LDLRAD3: variants seen among roughly 807,000 people sequenced by gnomAD.
The protein encoded by LDLRAD3 is low-density lipoprotein receptor class A domain-containing protein 3.
A neutral mutation model predicts 29.4 loss-of-function variants in LDLRAD3; 20 were observed. That is an observed-to-expected ratio of 0.68 (90% CI 0.48 to 0.99). LDLRAD3 has a LOEUF of 0.99. LDLRAD3 is among the 50% of genes least tolerant of loss of function. The pLI is 0.00. For synonymous variants in LDLRAD3, 157 were observed against 192.7 expected (o/e 0.81, Z 1.53); for missense variants, 420 against 454.3 (o/e 0.92, Z 0.69).
chr11:36,227,711 AT>A (rs1855520510), intron 5 of LDLRAD3, among the ~76,000 whole-genome samples: 1 of 152,196 alleles, frequency 6.6e-6, no homozygotes, highest in Non-Finnish European at 1.5e-5. Context: ...AATTCTACAG[AT>A]GAGGAAACTG....
At chr11:35,946,539 C>A (rs912679373) in intron 1 of LDLRAD3, among the ~76,000 whole-genome samples, 2 of 152,082 alleles carry the variant, frequency 1.3e-5, no homozygotes, top group African/African-American at 4.8e-5. Context: ...ATGTATCCTG[C>A]GAGAGAGACT....
chr11:36,083,964 G>C (rs184610512), intron 3 of LDLRAD3, among the ~76,000 whole-genome samples: 42 of 152,002 alleles, frequency 2.8e-4, no homozygotes, highest in African/African-American at 9.6e-4. Flanking sequence ...TGTCACCCAG[G>C]CTGGAGTGCA....
At position 36,229,353 on chromosome 11, in the gene LDLRAD3, G is replaced by A. The variant is rs751412956; in HGVS notation, c.994G>A (p.Glu332Lys). The change falls in exon 6 of 6, where the codon GAG becomes AAG. Residue 332 changes from glutamate to lysine, a missense_variant. Coordinates refer to ENST00000315571, the MANE Select transcript of LDLRAD3 (RefSeq NM_174902.4). ...GQPGPQEGTA[E>K]PRDSEPSQGT... The stretch of plus-strand genomic sequence containing the variant: ...GCCTGGCCCCCAGGAGGGCACTGCT[G>A]AGCCCAGGGACTCTGAGCCCAGCCA... 1.2e-6 allele frequency: 2 copies of A among 1,614,006 alleles called. No homozygotes were observed. The highest frequency in any genetic ancestry group is 1.7e-5 in the Admixed American group (1 of 60,022).
chr11:36,101,420 C>T (rs1250953878), intron 4 of LDLRAD3, among the ~76,000 whole-genome samples: 1 of 152,202 alleles, frequency 6.6e-6, no homozygotes, highest in Non-Finnish European at 1.5e-5. Context: ...TTTTAATTTG[C>T]ACCCTGTGTG....
Position 36,229,624 on chromosome 11 carries a change from CCCTTG to C in LDLRAD3, c.*228_*232del. 4.0e-6 allele frequency: 2 copies of C among 497,802 alleles called. No individual in the cohort carries two copies. Among genetic ancestry groups the C allele is most frequent in the South Asian group, 4.0e-5 (1 of 24,724 alleles). The allele number at this position is 497,802 out of a possible 1,614,324, so 30.8% of individuals were successfully genotyped here. On this transcript the variant is annotated 3_prime_UTR_variant, in exon 6 of 6. Transcript: ENST00000315571. The stretch of plus-strand genomic sequence containing the variant: ...GCGTCTTTTCTGTCAGGTCACTCTT[CCCTTG>C]GGACCCGAGATCACACCCTCATTTT...
intron 1 of LDLRAD3, among the ~76,000 whole-genome samples, chr11:36,017,067 T>C (rs1484010089): frequency 6.6e-6 from 1 of 152,258 alleles, no homozygotes; most frequent in African/African-American, 2.4e-5. Context: ...GTTCTGGGAA[T>C]TTAACCATGT....
chr11:36,166,305 G>A (rs916218426), intron 4 of LDLRAD3, among the ~76,000 whole-genome samples: 1 of 152,142 alleles, frequency 6.6e-6, no homozygotes, highest in Admixed American at 6.5e-5. Flanking sequence ...CAAGACATGA[G>A]TATTCAAGTG....
At position 35,957,727 on chromosome 11, in the gene LDLRAD3, C is replaced by T. The variant is rs374139748; in HGVS notation, c.46+13583C>T. ...AGAAGAATCGCTTGAACCCAGGAGACGGAGGTTGCATGGAGCTGAGATCGT... is the reference window on the plus strand; with the variant it reads ...AGAAGAATCGCTTGAACCCAGGAGATGGAGGTTGCATGGAGCTGAGATCGT... On this transcript the variant is annotated intron_variant, in intron 1 of 5. Transcript: ENST00000315571. 1.3e-4 allele frequency among the ~76,000 whole-genome samples: 18 copies of T among 141,308 alleles called. No individual in the cohort carries two copies. In the South Asian group the frequency reaches 3.5e-3, roughly 28 times the overall value. 92.7% of individuals were successfully genotyped at this position (141,308 alleles called of 152,430 possible). A position where few individuals can be genotyped will look rare whatever the true frequency, so the allele number is the denominator to read the frequency against.
chr11:35,951,326 C>T (rs979859018), intron 1 of LDLRAD3, among the ~76,000 whole-genome samples: 1 of 152,050 alleles, frequency 6.6e-6, no homozygotes, highest in Non-Finnish European at 1.5e-5. Flanking sequence ...TGAGCTCCTG[C>T]TTGTCTCTAT....
chr11:36,210,251 T>A (rs1459916540), intron 4 of LDLRAD3, among the ~76,000 whole-genome samples: 1 of 152,188 alleles, frequency 6.6e-6, no homozygotes, highest in Non-Finnish European at 1.5e-5. Context: ...TCCGTGGGAT[T>A]CATCTTTGTA....
rs111694122 is a variant in LDLRAD3 at position 36,143,182 on chromosome 11, C to T, written c.454+44721C>T. 3.8e-3 allele frequency among the ~76,000 whole-genome samples: 579 copies of T among 152,252 alleles called. 2 individuals are homozygous for T. The highest frequency in any genetic ancestry group is 5.9e-3 in the Non-Finnish European group (402 of 68,016). The stretch of plus-strand genomic sequence containing the variant: ...TGGGGTCACCTAGGAGTGATCAGAA[C>T]CAGCATCTGAACCCAATTCTGTCTG... On this transcript the variant is annotated intron_variant, in intron 4 of 5. Coordinates refer to ENST00000315571, the MANE Select transcript of LDLRAD3 (RefSeq NM_174902.4).
intron 1 of LDLRAD3, among the ~76,000 whole-genome samples, chr11:35,961,816 C>A (rs1164276709): frequency 6.6e-6 from 1 of 152,144 alleles, no homozygotes; most frequent in African/African-American, 2.4e-5. Flanking sequence ...TGTTTTGATA[C>A]AGGCATGCAG....
intron 1 of LDLRAD3, among the ~76,000 whole-genome samples, chr11:35,965,483 G>A (rs1218142659): frequency 1.3e-5 from 2 of 152,156 alleles, no homozygotes; most frequent in Non-Finnish European, 2.9e-5. Flanking sequence ...CTGTGGCTGG[G>A]GGCCATGGGA....
chr11:36,003,397 C>G (rs905630335), intron 1 of LDLRAD3, among the ~76,000 whole-genome samples: 1 of 152,182 alleles, frequency 6.6e-6, no homozygotes, highest in Non-Finnish European at 1.5e-5. Context: ...CCTGTTGAAG[C>G]CTGAGTCCTT....
intron 4 of LDLRAD3, among the ~76,000 whole-genome samples, chr11:36,225,999 C>T (rs1261985091): frequency 1.3e-5 from 2 of 151,778 alleles, no homozygotes; most frequent in Non-Finnish European, 2.9e-5. Context: ...ACCCAGGAGG[C>T]GGAGGTTGAG....
At chr11:36,228,911 G>T (rs1855535012) in intron 5 of LDLRAD3, among the ~76,000 whole-genome samples, 1 of 152,178 alleles carries the variant, frequency 6.6e-6, no homozygotes. Context: ...CCTCATTCTG[G>T]TTCTACCCAG....
At chr11:36,159,092 C>G (rs1193068120) in intron 4 of LDLRAD3, among the ~76,000 whole-genome samples, 1 of 152,130 alleles carries the variant, frequency 6.6e-6, no homozygotes, top group Admixed American at 6.5e-5. Flanking sequence ...TGAACTGTTA[C>G]TCAGATTTGA....
In LDLRAD3 at chr11:36,213,085, C is replaced by G. The variant is rs1445881364; in HGVS notation, c.455-14000C>G. Among the ~76,000 whole-genome samples, 1 of 149,494 alleles carries G rather than the reference C, an allele frequency of 6.7e-6. No homozygotes were observed. Among genetic ancestry groups the G allele is most frequent in the East Asian group, 2.0e-4 (1 of 5,014 alleles). On this transcript the variant is annotated intron_variant, in intron 4 of 5. Transcript: ENST00000315571. The surrounding 1 kb of genome is among the most constrained non-coding windows in gnomAD (Gnocchi z 4.1). The stretch of plus-strand genomic sequence containing the variant: ...TCTCTCCCCCTCGCTCCCTCCCTCT[C>G]TCCCTCCCTGTTCCTCTTCCACTCC...
chr11:36,121,925 GC>G (rs1853765321), intron 4 of LDLRAD3, among the ~76,000 whole-genome samples: 1 of 152,194 alleles, frequency 6.6e-6, no homozygotes, highest in Admixed American at 6.5e-5. Context: ...GGCATGCCAG[GC>G]ACTGCTCATT....
Sources: gnomAD v4.1 joint callset for allele counts (sites outside exome capture counted in the v4.1 genomes callset) on GRCh38, gnomAD v4.1.1 for gene constraint, Gnocchi (gnomAD v3.1) non-coding constraint, MANE v1.5 for transcripts, NCBI Gene and HGNC (gene_info 2026-07-23, HGNC 2026-07-21) for gene names.